Variants in TFDP2 observed in about 807,000 individuals in gnomAD.
The protein encoded by TFDP2 is transcription factor Dp-2, also known as transcription factor Dp-2 (E2F dimerization partner 2).
TFDP2 carries 17 observed loss-of-function variants against 59.3 expected under a neutral mutation model. That is an observed-to-expected ratio of 0.29 (90% CI 0.20 to 0.43). TFDP2 has a LOEUF of 0.43. Ranked by LOEUF, TFDP2 falls within the 20% of genes least tolerant of loss-of-function variation. The pLI is 1.00. For missense variants in TFDP2, 391 were observed against 528.8 expected (o/e 0.74, Z 2.56); for synonymous variants, 180 against 194.7 (o/e 0.92, Z 0.63).
intron 3 of TFDP2, among the ~76,000 whole-genome samples, chr3:142,073,234 T>C (rs1258090409): frequency 6.6e-6 from 1 of 152,154 alleles, no homozygotes; most frequent in Non-Finnish European, 1.5e-5. Flanking sequence ...CATGCCCAGT[T>C]AATTTTTAAA....
At chr3:142,096,153 A>C (rs1462747778) in intron 2 of TFDP2, among the ~76,000 whole-genome samples, 2 of 152,204 alleles carry the variant, frequency 1.3e-5, no homozygotes, top group Non-Finnish European at 2.9e-5. Context: ...AAAAGATAAA[A>C]GTCAATTGTG....
In TFDP2 at chr3:142,139,035, G is replaced by GA. The variant is rs554524061; in HGVS notation, c.-93+10147dup. On this transcript the variant is annotated intron_variant, in intron 1 of 12. Transcript: ENST00000489671. ...GTAGGTCTCTAAGGACTTGCTTTAT[G>GA]AATCTGGGTGCTCCTATATTGGGTG... is the stretch of plus-strand genomic sequence containing the variant. Among the ~76,000 whole-genome samples, 124 of 152,312 alleles carry GA rather than the reference G, an allele frequency of 8.1e-4. 1 individual carries two copies. Among genetic ancestry groups the GA allele is most frequent in the African/African-American group, 2.8e-3 (116 of 41,574 alleles).
intron 1 of TFDP2, among the ~76,000 whole-genome samples, chr3:142,111,285 C>T (rs566368563): frequency 7.9e-5 from 12 of 151,656 alleles, no homozygotes; most frequent in Non-Finnish European, 1.6e-4. Flanking sequence ...AAAAATTAGC[C>T]GGGTGTGGTG....
intron 3 of TFDP2, among the ~76,000 whole-genome samples, chr3:142,082,416 C>T (rs2060667600): frequency 2.0e-5 from 3 of 152,164 alleles, no homozygotes; most frequent in Non-Finnish European, 4.4e-5. Context: ...CCACCCCTCA[C>T]CCCAGTCCAT....
rs1477227200 is a variant in TFDP2 at position 141,949,827 on chromosome 3, T to TTTTTTTA, written c.*2685_*2686insTAAAAAA. 1 of 150,774 alleles carries TTTTTTTA rather than the reference T, an allele frequency of 6.6e-6. No individual in the cohort carries two copies. Among genetic ancestry groups the TTTTTTTA allele is most frequent in the African/African-American group, 2.5e-5 (1 of 40,098 alleles). The allele number at this position is 150,774 out of a possible 1,614,324, so 9.3% of individuals were successfully genotyped here. A position where few individuals can be genotyped will look rare whatever the true frequency, so the allele number is the denominator to read the frequency against. ...CTTCCATTTTTTTTTTTTTTTTTTT[T>TTTTTTTA]GAGACAGGGTCTTGCTCTGTCACCC... On this transcript the variant is annotated 3_prime_UTR_variant, in exon 13 of 13. Coordinates refer to ENST00000489671, the MANE Select transcript of TFDP2 (RefSeq NM_001178139.2).
chr3:141,991,642 G>C (rs1369765099), intron 6 of TFDP2, among the ~76,000 whole-genome samples: 1 of 152,096 alleles, frequency 6.6e-6, no homozygotes, highest in Non-Finnish European at 1.5e-5. Context: ...CCAGCTACTT[G>C]GGAGGCTGAG....
intron 3 of TFDP2, among the ~76,000 whole-genome samples, chr3:142,084,163 A>G (rs1360438743): frequency 2.0e-5 from 3 of 152,222 alleles, no homozygotes; most frequent in African/African-American, 7.2e-5. Context: ...AAAAATGGGC[A>G]AAAGATCTGA....
intron 7 of TFDP2, among the ~76,000 whole-genome samples, chr3:141,976,069 C>G (rs11569228): frequency 3.3e-5 from 5 of 151,956 alleles, no homozygotes; most frequent in Non-Finnish European, 7.4e-5. Flanking sequence ...TTAGTACAGA[C>G]AGGGTTTCAT....
intron 3 of TFDP2, among the ~76,000 whole-genome samples, chr3:142,038,300 C>T (rs940924980): frequency 2.8e-5 from 4 of 143,994 alleles, no homozygotes; most frequent in Non-Finnish European, 6.0e-5. Context: ...AAGAGAATGG[C>T]GTGAACCCGG....
At chr3:142,063,134 G>A (rs746770799) in intron 3 of TFDP2, among the ~76,000 whole-genome samples, 1 of 152,032 alleles carries the variant, frequency 6.6e-6, no homozygotes, top group South Asian at 2.1e-4. Context: ...AATTATAAAA[G>A]TAATATCCAG....
At chr3:141,955,868 T>A (rs1936551031) in intron 11 of TFDP2, among the ~76,000 whole-genome samples, 1 of 152,208 alleles carries the variant, frequency 6.6e-6, no homozygotes, top group Admixed American at 6.5e-5. Flanking sequence ...AGTGCAGTGG[T>A]GCAATCTCCG....
intron 3 of TFDP2, among the ~76,000 whole-genome samples, chr3:142,006,964 T>C (rs1475329271): frequency 6.6e-6 from 1 of 151,966 alleles, no homozygotes; most frequent in Non-Finnish European, 1.5e-5. Context: ...TTAGTAAAGA[T>C]GGGGTTTCAC....
At chr3:142,049,093 A>T (rs1482388550) in intron 3 of TFDP2, among the ~76,000 whole-genome samples, 5 of 152,238 alleles carry the variant, frequency 3.3e-5, no homozygotes, top group Non-Finnish European at 7.3e-5. Flanking sequence ...ATAGTGAGAG[A>T]AAGTAAGATG....
chr3:141,969,422 C>T (rs1252042021), intron 9 of TFDP2, among the ~76,000 whole-genome samples: 1 of 150,474 alleles, frequency 6.6e-6, no homozygotes, highest in East Asian at 1.9e-4. Flanking sequence ...ACCAGCCTGG[C>T]CAAGATGGTG....
intron 6 of TFDP2, among the ~76,000 whole-genome samples, chr3:141,992,229 A>G (rs1466036900): frequency 6.6e-6 from 1 of 152,066 alleles, no homozygotes; most frequent in Non-Finnish European, 1.5e-5. Flanking sequence ...GTGGGGATAC[A>G]TTACAGAAAA....
intron 3 of TFDP2, among the ~76,000 whole-genome samples, chr3:142,052,215 G>T (rs529377472): frequency 6.6e-6 from 1 of 152,080 alleles, no homozygotes; most frequent in Non-Finnish European, 1.5e-5. Flanking sequence ...ATATAGCAAC[G>T]TAAAAACTTA....
chr3:142,072,188 C>T lies in TFDP2; in HGVS notation c.82+20873G>A, dbSNP rs143797043. Among the ~76,000 whole-genome samples the T allele has an allele frequency of 4.7e-4, 71 of 152,322 alleles. No homozygotes were observed. The East Asian group carries it at 0.012, about 26-fold the overall frequency. ...CAGAATGAATGCTTACTATGTGCTA[C>T]GCATAACTTACTATGTGCAGTTGCT... On this transcript the variant is annotated intron_variant, in intron 3 of 12. Transcript: ENST00000489671.
intron 3 of TFDP2, among the ~76,000 whole-genome samples, chr3:142,070,084 T>A (rs2060195646): frequency 1.3e-5 from 2 of 151,656 alleles, no homozygotes; most frequent in South Asian, 4.2e-4. Flanking sequence ...TTTTTGTATT[T>A]TTAGTAGAGA....
chr3:142,100,409 G>A (rs1396614231), intron 2 of TFDP2, among the ~76,000 whole-genome samples: 3 of 151,820 alleles, frequency 2.0e-5, no homozygotes, highest in Non-Finnish European at 4.4e-5. Flanking sequence ...TCTCGCTCTT[G>A]TCCCCCAGGC....
Sources: gnomAD v4.1 joint callset for allele counts (sites outside exome capture counted in the v4.1 genomes callset) on GRCh38, gnomAD v4.1.1 for gene constraint, MANE v1.5 for transcripts, NCBI Gene and HGNC (gene_info 2026-07-23, HGNC 2026-07-21) for gene names.